The following ACSM5 variants were observed in gnomAD, a reference collection of about 807,000 sequenced individuals.
The protein encoded by ACSM5 is acyl-coenzyme A synthetase ACSM5, mitochondrial.
A neutral mutation model predicts 71.6 loss-of-function variants in ACSM5; 56 were observed. The observed-to-expected ratio is 0.78, with a 90% CI of 0.63 to 0.98. The LOEUF is 0.98. Among genes scored for constraint, ACSM5 ranks in the 50% least tolerant of loss-of-function variants. ACSM5 has a pLI of 0.00. For synonymous variants in ACSM5, 285 were observed against 281.5 expected (o/e 1.01, Z -0.12); for missense variants, 723 against 726.0 (o/e 1.00, Z 0.05).
rs755334898 is a variant in ACSM5 at position 20,437,278 on chromosome 16, G to A, written c.1447G>A (p.Gly483Arg). 85 of 1,614,016 alleles carry A rather than the reference G, an allele frequency of 5.3e-5. No homozygotes were observed. The highest frequency in any genetic ancestry group is 6.7e-5 in the African/African-American group (5 of 74,904). Residue 483 changes from glycine (G) to arginine (R), a missense_variant, in exon 12 of 14, where the codon GGG becomes AGG. Transcript: ENST00000331849. ...DVINSSSYRI[G>R]PVEVESALAE... ...GTTTTTCCCTTCCAGCTACCGGATC[G>A]GGCCTGTTGAAGTGGAAAGTGCCCT...
intron 4 of ACSM5, 74 bp from the exon 5 acceptor site, chr16:20,421,184 T>C: frequency 1.4e-6 from 2 of 1,467,634 alleles, no homozygotes; most frequent in East Asian, 5.0e-5. Context: ...AGTCATATTG[T>C]TGTTACACAT....
chr16:20,412,256 A>G (rs537081960), intron 2 of ACSM5: 171 of 153,958 alleles, frequency 1.1e-3, no homozygotes, highest in Non-Finnish European at 1.9e-3. Flanking sequence ...TGGAGGCTGA[A>G]GCATGAGAAT....
chr16:20,440,227 A>T, intron 13 of ACSM5, 117 bp from the exon 14 acceptor site: 1 of 768,836 alleles, frequency 1.3e-6, no homozygotes, highest in Non-Finnish European at 2.2e-6. Flanking sequence ...TTAGGGGGAA[A>T]CCCTGAATCA....
In ACSM5 at chr16:20,421,313, A is replaced by G. The variant is rs756011576; in HGVS notation, c.679A>G (p.Ile227Val). Residue 227 changes from isoleucine (I) to valine (V), a missense_variant, in exon 5 of 14, where the codon ATC becomes GTC. Physicochemically the swap from Ile to Val is conservative, Grantham distance 29. Coordinates refer to ENST00000331849, the MANE Select transcript of ACSM5 (RefSeq NM_017888.3). ...GACAAAGAGTCGAGACCCGCTGGCC[A>G]TCTACTTTACCAGCGGAACCACCGG... is the stretch of plus-strand genomic sequence containing the variant. ...MRTKSRDPLA[I>V]YFTSGTTGAP... 3 of 1,610,254 alleles carry G rather than the reference A, an allele frequency of 1.9e-6. No homozygotes were observed. The highest frequency in any genetic ancestry group is 2.2e-5 in the East Asian group (1 of 44,596).
chr16:20,415,913 GATAACTTA>G (rs1160177024), intron 2 of ACSM5, among the ~76,000 whole-genome samples: 9 of 152,130 alleles, frequency 5.9e-5, no homozygotes, highest in Admixed American at 4.6e-4. Flanking sequence ...TTTAAGAGCA[GATAACTTA>G]ATACTCAATA....
At chr16:20,411,318 G>A (rs1359001182) in intron 1 of ACSM5, among the ~76,000 whole-genome samples, 152 bp from the exon 2 acceptor site, 2 of 152,246 alleles carry the variant, frequency 1.3e-5, no homozygotes, top group Non-Finnish European at 2.9e-5. Context: ...CCATCACACA[G>A]CAGAACTGAG....
chr16:20,423,897 G>C lies in ACSM5; in HGVS notation c.768-19G>C, dbSNP rs372881682. On this transcript the variant is annotated intron_variant, in intron 5 of 13. Coordinates refer to ENST00000331849, the MANE Select transcript of ACSM5 (RefSeq NM_017888.3). ...TAGAGTCATTGCCAAGGTTACTGAC[G>C]TTCTCTAATTTTTGGCAGACGGTGG... The C allele has an allele frequency of 6.2e-7, 1 of 1,613,612 alleles. No individual in the cohort carries two copies. Among genetic ancestry groups the C allele is most frequent in the African/African-American group, 1.3e-5 (1 of 75,006 alleles).
chr16:20,419,023 A>G (rs551124088), intron 3 of ACSM5, among the ~76,000 whole-genome samples: 1 of 152,286 alleles, frequency 6.6e-6, no homozygotes, highest in African/African-American at 2.4e-5. Flanking sequence ...CAGTGAGCCT[A>G]GCAAGCCTCC....
At chr16:20,421,793 C>A (rs1320850710) in intron 5 of ACSM5, among the ~76,000 whole-genome samples, 1 of 151,516 alleles carries the variant, frequency 6.6e-6, no homozygotes, top group East Asian at 1.9e-4. Flanking sequence ...CCACAATCAC[C>A]ATCCATTTCC....
intron 5 of ACSM5, among the ~76,000 whole-genome samples, chr16:20,422,816 A>C (rs1349730868): frequency 6.6e-6 from 1 of 152,160 alleles, no homozygotes; most frequent in East Asian, 1.9e-4. Context: ...TAGACCCAAT[A>C]AGGCTTGCTG....
At position 20,424,083 on chromosome 16, in the gene ACSM5, C is replaced by A. The variant is rs770926855; in HGVS notation, c.921+14C>A. 2 of 1,613,498 alleles carry A rather than the reference C, an allele frequency of 1.2e-6. No individual in the cohort carries two copies. Among genetic ancestry groups the A allele is most frequent in the African/African-American group, 2.7e-5 (2 of 74,868 alleles). On this transcript the variant is annotated intron_variant, in intron 6 of 13. Transcript: ENST00000331849. ...GTTATCCTGAATGTAAGAGGAAAAA[C>A]CAACAATACCCCATATGTGTTGGGT... is the stretch of plus-strand genomic sequence containing the variant.
rs1470029454 is a variant in ACSM5, at chr16:20,440,350, T to C, written c.1663T>C (p.Phe555Leu). The change falls in exon 14 of 14, where the codon TTT becomes CTT. Residue 555 changes from phenylalanine (F) to leucine (L), a missense_variant. Physicochemically the swap from Phe to Leu is conservative, Grantham distance 22. Coordinates refer to ENST00000331849, the MANE Select transcript of ACSM5 (RefSeq NM_017888.3). The stretch of plus-strand genomic sequence containing the variant: ...TTTTGTGTTTGGTCACTAGGTGGCC[T>C]TTGTTTCAGAACTGCCAAAGACGGT... ...APYKYPRKVA[F>L]VSELPKTVSG... is the part of the protein sequence containing the mutation. 8.2e-6 allele frequency: 13 copies of C among 1,583,072 alleles called. No homozygotes were observed. Among genetic ancestry groups the C allele is most frequent in the Non-Finnish European group, 9.6e-6 (11 of 1,151,506 alleles).
chr16:20,428,307 G>T (rs1967029142), intron 7 of ACSM5, among the ~76,000 whole-genome samples: 1 of 152,176 alleles, frequency 6.6e-6, no homozygotes, highest in South Asian at 2.1e-4. Context: ...CTCAGGTGTG[G>T]TGAAACTAAC....
chr16:20,427,799 A>C lies in ACSM5; in HGVS notation c.933A>C (p.Lys311Asn). Residue 311 changes from lysine to asparagine, a missense_variant, in exon 7 of 14, where the codon AAA becomes AAC. Physicochemically the swap from Lys to Asn is moderately conservative, Grantham distance 94. Coordinates refer to ENST00000331849, the MANE Select transcript of ACSM5 (RefSeq NM_017888.3). ...DAKVILNTLS[K>N]FPITTLCCVP... ...TTGTTTTTGTTTAGACTCTCTCCAA[A>C]TTCCCGATAACCACCCTCTGCTGTG... 6.2e-7 allele frequency: 1 copy of C among 1,613,622 alleles called. No individual in the cohort carries two copies. The highest frequency in any genetic ancestry group is 8.5e-7 in the Non-Finnish European group (1 of 1,179,544).
At chr16:20,418,583 G>A (rs1016784890) in intron 3 of ACSM5, among the ~76,000 whole-genome samples, 1 of 152,118 alleles carries the variant, frequency 6.6e-6, no homozygotes, top group Non-Finnish European at 1.5e-5. Flanking sequence ...GAATACCAGT[G>A]TTATCAGAAC....
At chr16:20,431,382 C>A in intron 10 of ACSM5, 61 bp downstream of exon 10, 2 of 1,316,876 alleles carry the variant, frequency 1.5e-6, no homozygotes, top group Middle Eastern at 1.8e-4. Flanking sequence ...TTGTGCACCA[C>A]ACTTTGTAAA....
At chr16:20,425,558 T>A (rs1185186068) in intron 6 of ACSM5, among the ~76,000 whole-genome samples, 2 of 152,178 alleles carry the variant, frequency 1.3e-5, no homozygotes, top group East Asian at 1.9e-4. Context: ...ACCCAATTTG[T>A]AGTCTTTTAT....
At chr16:20,417,569 A>G (rs1282371701) in intron 2 of ACSM5, among the ~76,000 whole-genome samples, 1 of 152,224 alleles carries the variant, frequency 6.6e-6, no homozygotes, top group Non-Finnish European at 1.5e-5. Context: ...GGGAAGGGAC[A>G]GCTAATTTGC....
intron 7 of ACSM5, among the ~76,000 whole-genome samples, 157 bp downstream of exon 7, chr16:20,428,024 A>G (rs946696991): frequency 1.2e-4 from 19 of 152,098 alleles, no homozygotes; most frequent in African/African-American, 4.1e-4. Flanking sequence ...TCTCTCACAC[A>G]CACATTTATA....
Sources: allele counts gnomAD v4.1 joint callset (sites outside exome capture counted in the v4.1 genomes callset), GRCh38; gene constraint gnomAD v4.1.1; transcripts MANE v1.5; gene names NCBI Gene and HGNC (gene_info 2026-07-23, HGNC 2026-07-21).